EMSY: variants seen among roughly 807,000 people sequenced by gnomAD.
The protein encoded by EMSY is EMSY transcriptional repressor, BRCA2 interacting.
A neutral mutation model predicts 134.6 loss-of-function variants in EMSY; 26 were observed. That is an observed-to-expected ratio of 0.19 (90% CI 0.14 to 0.27). EMSY has a LOEUF of 0.27. Among genes scored for constraint, EMSY ranks in the 10% least tolerant of loss-of-function variants. The pLI is 1.00. For synonymous variants in EMSY, 579 were observed against 577.8 expected, an observed-to-expected ratio of 1.00 and a Z score of -0.03; for missense variants, 1,305 against 1,611.4, an observed-to-expected ratio of 0.81 and a Z score of 3.26.
chr11:76,495,198 C>T (rs1949602325), intron 8 of EMSY, among the ~76,000 whole-genome samples: 1 of 152,184 alleles, frequency 6.6e-6, no homozygotes, highest in South Asian at 2.1e-4. Context: ...TCTCTAGAGA[C>T]ATTTTACATA....
chr11:76,525,540 T>G (rs1371497458), intron 12 of EMSY, among the ~76,000 whole-genome samples: 1 of 152,192 alleles, frequency 6.6e-6, no homozygotes, highest in Non-Finnish European at 1.5e-5. Context: ...GTTTATGGAT[T>G]TTAATTTTAA....
intron 8 of EMSY, among the ~76,000 whole-genome samples, chr11:76,493,098 C>T (rs548638725): frequency 2.0e-5 from 3 of 152,158 alleles, no homozygotes; most frequent in African/African-American, 4.8e-5. Flanking sequence ...AGTGCCTGCT[C>T]CTGCTGCCTG....
chr11:76,549,882 T>G, intron 20 of EMSY, 70 bp from the exon 22 acceptor site: 3 of 1,311,172 alleles, frequency 2.3e-6, no homozygotes, highest in Non-Finnish European at 3.1e-6. Context: ...TTTTTTTTCT[T>G]GATATTGTTG....
At chr11:76,483,463 T>G (rs1335573063) in intron 8 of EMSY, among the ~76,000 whole-genome samples, 1 of 152,060 alleles carries the variant, frequency 6.6e-6, no homozygotes, top group Non-Finnish European at 1.5e-5. Flanking sequence ...ACTAGTAAAT[T>G]GGATAGAGAG....
intron 8 of EMSY, among the ~76,000 whole-genome samples, chr11:76,477,957 T>C (rs1053457333): frequency 6.6e-6 from 1 of 152,216 alleles, no homozygotes; most frequent in African/African-American, 2.4e-5. Flanking sequence ...ATTTACCCAA[T>C]GTTGTGACAC....
intron 9 of EMSY, among the ~76,000 whole-genome samples, chr11:76,508,665 A>G (rs112044582): frequency 8.1e-4 from 123 of 152,342 alleles, no homozygotes; most frequent in African/African-American, 2.9e-3. Flanking sequence ...TTTTGTCTAC[A>G]TTGAAAATCT....
intron 8 of EMSY, among the ~76,000 whole-genome samples, chr11:76,486,807 A>C (rs1276580373): frequency 2.0e-5 from 3 of 152,246 alleles, no homozygotes; most frequent in Non-Finnish European, 2.9e-5. Context: ...CAAGGTGGTC[A>C]TAATAGTGAT....
chr11:76,525,306 G>A lies in EMSY; in HGVS notation c.1822-1156G>A, dbSNP rs184548106. Reference sequence around the variant, plus strand: ...ATAAGTAATAACACCATTGGCAGATGCTTCATGTTTCCCTTAAGTAATTAC... The same window carrying A: ...ATAAGTAATAACACCATTGGCAGATACTTCATGTTTCCCTTAAGTAATTAC... On this transcript the variant is annotated intron_variant, in intron 12 of 20. Coordinates refer to ENST00000334736, the Ensembl canonical transcript of EMSY. Among the ~76,000 whole-genome samples the A allele has an allele frequency of 3.9e-5, 6 of 152,316 alleles. No homozygotes were observed. The East Asian group carries it at 1.2e-3, about 29-fold the overall frequency.
At chr11:76,474,699 A>C (rs1948708889) in intron 8 of EMSY, among the ~76,000 whole-genome samples, 1 of 152,218 alleles carries the variant, frequency 6.6e-6, no homozygotes, top group African/African-American at 2.4e-5. Context: ...TACCTTAAGT[A>C]ATTAAAAAAA....
chr11:76,468,784 T>C (rs982799236), intron 7 of EMSY, among the ~76,000 whole-genome samples: 1 of 152,146 alleles, frequency 6.6e-6, no homozygotes, highest in African/African-American at 2.4e-5. Context: ...AGCACTTATA[T>C]ATCAGAGCAG....
intron 17 of EMSY, among the ~76,000 whole-genome samples, chr11:76,541,277 A>G (rs2136669203): frequency 6.6e-6 from 1 of 152,156 alleles, no homozygotes; most frequent in East Asian, 1.9e-4. Context: ...AATTTGATAG[A>G]TTGGTTACTT....
At chr11:76,454,661 G>T (rs72926233) in intron 4 of EMSY, 88 bp from the exon 5 acceptor site, 37 of 822,350 alleles carry the variant, frequency 4.5e-5, no homozygotes, top group Non-Finnish European at 6.8e-5. Flanking sequence ...AAGGTATTGT[G>T]GGGCAACTAG....
chr11:76,535,215 A>T (rs963202131), intron 14 of EMSY, among the ~76,000 whole-genome samples: 2 of 152,134 alleles, frequency 1.3e-5, no homozygotes, highest in Non-Finnish European at 2.9e-5. Flanking sequence ...CCCATTTTAG[A>T]GGTAGTGAAA....
At chr11:76,478,558 G>T (rs555542602) in intron 8 of EMSY, among the ~76,000 whole-genome samples, 2 of 151,802 alleles carry the variant, frequency 1.3e-5, no homozygotes, top group East Asian at 1.9e-4. Flanking sequence ...GGTCAGGCTG[G>T]CCTTGAACTC....
At chr11:76,479,148 A>G (rs1948875620) in intron 8 of EMSY, among the ~76,000 whole-genome samples, 1 of 152,212 alleles carries the variant, frequency 6.6e-6, no homozygotes, top group Non-Finnish European at 1.5e-5. Flanking sequence ...AAAATTGAGT[A>G]GCATACTGCT....
intron 17 of EMSY, among the ~76,000 whole-genome samples, chr11:76,540,345 T>C (rs1261597999): frequency 2.0e-5 from 3 of 152,206 alleles, no homozygotes; most frequent in Non-Finnish European, 4.4e-5. Context: ...CTCAGTCATA[T>C]TGTAAATTAC....
At position 76,453,228 on chromosome 11, in the gene EMSY, C is replaced by T. The variant is rs1947738582; in HGVS notation, c.171-86C>T. On this transcript the variant is annotated intron_variant, in intron 3 of 20. Transcript: ENST00000334736. The stretch of plus-strand genomic sequence containing the variant: ...AAGCAATCTTGTCCCCCTTCTCCCC[C>T]CAAAAATGTTGACTTAAACATTAAT... The T allele has an allele frequency of 4.8e-6, 6 of 1,248,908 alleles. No homozygotes were observed. In the South Asian group the frequency reaches 8.0e-5, roughly 17 times the overall value. 77.4% of individuals were successfully genotyped at this position (1,248,908 alleles called of 1,614,324 possible). A position where few individuals can be genotyped will look rare whatever the true frequency, so the allele number is the denominator to read the frequency against.
Position 76,526,446 on chromosome 11 carries a change from A to G in EMSY, c.1822-16A>G. On this transcript the variant is annotated splice_polypyrimidine_tract_variant and intron_variant, in intron 12 of 20. Coordinates refer to ENST00000334736, the Ensembl canonical transcript of EMSY. ...ATGCATATAAATCTCTTATATAATC[A>G]TTGACTTCAATTTAGGGAGAAAAGA... 1.9e-6 allele frequency: 3 copies of G among 1,583,116 alleles called. No homozygotes were observed. Among genetic ancestry groups the G allele is most frequent in the South Asian group, 1.2e-5 (1 of 85,724 alleles).
chr11:76,456,060 G>A lies in EMSY; in HGVS notation c.246-2123G>A, dbSNP rs143395553. ...TTTCTCAGAAAAGGGACTGGAGCAAGGTTTCCCCTGTCATACTTAGTATAA... is the reference window on the plus strand; with the variant it reads ...TTTCTCAGAAAAGGGACTGGAGCAAAGTTTCCCCTGTCATACTTAGTATAA... On this transcript the variant is annotated intron_variant, in intron 4 of 20. Coordinates refer to ENST00000334736, the Ensembl canonical transcript of EMSY. 4.7e-3 allele frequency among the ~76,000 whole-genome samples: 717 copies of A among 152,174 alleles called. 4 individuals carry two copies. Among genetic ancestry groups the A allele is most frequent in the African/African-American group, 0.016 (672 of 41,532 alleles).
Sources: gnomAD v4.1 joint callset for allele counts (sites outside exome capture counted in the v4.1 genomes callset) on GRCh38, gnomAD v4.1.1 for gene constraint, MANE v1.5 for transcripts, NCBI Gene and HGNC (gene_info 2026-07-23, HGNC 2026-07-21) for gene names.